Variants in ABCA6 observed in about 807,000 individuals in gnomAD.
ABCA6 encodes ATP-binding cassette sub-family A member 6.
In ABCA6, 164 loss-of-function variants were observed where a neutral mutation model predicts 191.2. That is an observed-to-expected ratio of 0.86 (90% confidence interval 0.76 to 0.98). The LOEUF is 0.98. ABCA6 is among the 50% of genes least tolerant of loss of function. The probability of loss-of-function intolerance (pLI) is 0.00; values close to 1 mark genes in which losing one functional copy is unlikely to be tolerated. For missense variants in ABCA6, 1,958 were observed against 1,894.1 expected (o/e 1.03, Z -0.63); for synonymous variants, 636 against 647.7 (o/e 0.98, Z 0.27).
intron 6 of ABCA6, among the ~76,000 whole-genome samples, chr17:69,130,323 A>C (rs1189848226): frequency 6.6e-6 from 1 of 152,030 alleles, no homozygotes; most frequent in East Asian, 1.9e-4. Flanking sequence ...TCTCAAAAAA[A>C]AAAAAAGGAT....
At chr17:69,097,589 T>C (rs570488685) in intron 23 of ABCA6, among the ~76,000 whole-genome samples, 14 of 152,156 alleles carry the variant, frequency 9.2e-5, no homozygotes, top group Non-Finnish European at 1.5e-4. Context: ...ATTCAAGTCT[T>C]AAATTTGGCC....
intron 7 of ABCA6, among the ~76,000 whole-genome samples, chr17:69,129,330 A>G (rs1375944426): frequency 6.6e-6 from 1 of 152,212 alleles, no homozygotes; most frequent in Non-Finnish European, 1.5e-5. Flanking sequence ...CAATAATTAT[A>G]CAGAAAAGAC....
intron 6 of ABCA6, among the ~76,000 whole-genome samples, chr17:69,133,439 C>G (rs930451944): frequency 6.6e-6 from 1 of 152,148 alleles, no homozygotes. Context: ...TTAAGACATT[C>G]ACGGCACAGA....
At chr17:69,092,504 A>G (rs189004973) in intron 25 of ABCA6, among the ~76,000 whole-genome samples, 15 of 152,306 alleles carry the variant, frequency 9.8e-5, no homozygotes, top group Non-Finnish European at 2.1e-4. Flanking sequence ...AAACTTTGAC[A>G]GTGTGAGAGG....
At chr17:69,115,812 T>C (rs1409497238) in intron 11 of ABCA6, 1 of 163,574 alleles carries the variant, frequency 6.1e-6, no homozygotes, top group Non-Finnish European at 1.3e-5. Flanking sequence ...GTTTATTTAA[T>C]AAATAATATT....
rs145535386 is a variant in ABCA6 at position 69,098,006 on chromosome 17, C to T, written c.3034G>A (p.Gly1012Arg). ...FPLSHIGLWT[G>R]LPDGSFFLFL... ...AAGAAAAAGGAACCATCCGGCAACC[C>T]AGTCCAGAGTCCTATGTGGCTCTGA... is the stretch of plus-strand genomic sequence containing the variant. The change falls in exon 23 of 39, where the codon GGG becomes AGG. Residue 1012 changes from glycine (G) to arginine (R), a missense_variant. Gly to Arg is a moderately radical substitution (Grantham distance 125). Transcript: ENST00000284425. 6 of 1,610,660 alleles carry T rather than the reference C, an allele frequency of 3.7e-6. No homozygotes were observed. The highest frequency in any genetic ancestry group is 5.1e-6 in the Non-Finnish European group (6 of 1,178,780).
chr17:69,123,342 T>G lies in ABCA6; in HGVS notation c.1333A>C (p.Arg445=). The G allele has an allele frequency of 1.3e-6, 2 of 1,568,760 alleles. No individual in the cohort carries two copies. Among genetic ancestry groups the G allele is most frequent in the Non-Finnish European group, 1.7e-6 (2 of 1,151,656 alleles). Residue 445 remains arginine (R), a synonymous_variant, in exon 10 of 39, where the codon AGG becomes CGG. Transcript: ENST00000284425. ...LNSSSCFQHQ[R]TNAKVIEKEI... ...TTCTCAATAACCTTAGCATTAGTCC[T>G]TTGGTGTTGGAAACAAGATGATGAA...
rs576865054 is a variant in ABCA6 at position 69,102,908 on chromosome 17, T to C, written c.2801A>G (p.Asp934Gly). 6.9e-6 allele frequency: 11 copies of C among 1,592,822 alleles called. No homozygotes were observed. In the African/African-American group the frequency reaches 1.1e-4, roughly 16 times the overall value. ...LKHQNILLEV[D>G]DFENRNGTDG... is the part of the protein sequence containing the mutation. ...AGTACCATTTCTGTTTTCAAAGTCA[T>C]CTACTTCCAAAAGTATATTTTGATG... The change falls in exon 21 of 39, where the codon GAT becomes GGT. Residue 934 changes from aspartate to glycine, a missense_variant. Transcript: ENST00000284425.
At chr17:69,112,015 T>C (rs954598726) in intron 16 of ABCA6, 168 bp downstream of exon 16, 5 of 569,570 alleles carry the variant, frequency 8.8e-6, no homozygotes, top group South Asian at 2.4e-5. Context: ...ATGATTAACA[T>C]TGTAAAGACA....
intron 22 of ABCA6, 114 bp downstream of exon 22, chr17:69,100,683 A>G: frequency 1.7e-6 from 2 of 1,162,086 alleles, no homozygotes; most frequent in Non-Finnish European, 1.2e-6. Context: ...ATTAGGATAA[A>G]ATAATAATTT....
chr17:69,106,642 A>G (rs1022287131), intron 18 of ABCA6, among the ~76,000 whole-genome samples: 34 of 151,576 alleles, frequency 2.2e-4, no homozygotes, highest in Non-Finnish European at 4.4e-4. Flanking sequence ...TTTTATAACC[A>G]ATTCAAAGGA....
At chr17:69,095,294 TA>T in intron 25 of ABCA6, 1 of 184,938 alleles carries the variant, frequency 5.4e-6, no homozygotes, top group Non-Finnish European at 1.2e-5. Context: ...TTTTTCCGAG[TA>T]AGGTGAGCCT....
Position 69,091,541 on chromosome 17 carries a change from G to C in ABCA6, c.3409-279C>G. 1.3e-4 allele frequency among the ~76,000 whole-genome samples: 2 copies of C among 15,172 alleles called. 1 individual carries two copies. Among genetic ancestry groups the C allele is most frequent in the South Asian group, 3.1e-3 (2 of 648 alleles). The allele number at this position is 15,172 out of a possible 152,430, so 10.0% of individuals were successfully genotyped here. On this transcript the variant is annotated intron_variant, in intron 25 of 38. Coordinates refer to ENST00000284425, the MANE Select transcript of ABCA6 (RefSeq NM_080284.3). ...TAGACTTCTTTTTTTTTTTTTTTTTGAGACGGAGTCTCGCTCTGTCGCCCA... is the reference window on the plus strand; with the variant it reads ...TAGACTTCTTTTTTTTTTTTTTTTTCAGACGGAGTCTCGCTCTGTCGCCCA...
intron 26 of ABCA6, among the ~76,000 whole-genome samples, chr17:69,090,696 A>T (rs556534063): frequency 6.6e-6 from 1 of 152,322 alleles, no homozygotes; most frequent in South Asian, 2.1e-4. Flanking sequence ...ACAGTGACTA[A>T]CAGAGAATAG....
At chr17:69,137,640 T>C in intron 2 of ABCA6, 140 bp from the exon 3 acceptor site, 9 of 735,146 alleles carry the variant, frequency 1.2e-5, no homozygotes, top group Non-Finnish European at 1.7e-5. Flanking sequence ...CCTCAGAGCA[T>C]GGAGAATCAA....
At chr17:69,118,353 A>G (rs2073575398) in intron 10 of ABCA6, among the ~76,000 whole-genome samples, 1 of 152,072 alleles carries the variant, frequency 6.6e-6, no homozygotes, top group African/African-American at 2.4e-5. Flanking sequence ...ACACTCTGTC[A>G]CCTGCATCTT....
intron 26 of ABCA6, among the ~76,000 whole-genome samples, 160 bp downstream of exon 26, chr17:69,090,983 C>T (rs574243674): frequency 2.0e-5 from 3 of 152,256 alleles, no homozygotes; most frequent in South Asian, 4.1e-4. Context: ...AGCATCACCA[C>T]GATTCCCCTT....
chr17:69,107,594 T>C, intron 18 of ABCA6, 102 bp downstream of exon 18: 2 of 843,686 alleles, frequency 2.4e-6, no homozygotes, highest in African/African-American at 1.7e-5. Flanking sequence ...TGGAATGAAA[T>C]CACATTTCTT....
chr17:69,134,788 A>C, intron 4 of ABCA6, 46 bp from the exon 5 acceptor site: 1 of 1,322,044 alleles, frequency 7.6e-7, no homozygotes, highest in Non-Finnish European at 1.1e-6. Context: ...GGACGAGGGC[A>C]GTTGGAGAAT....
Sources: allele counts gnomAD v4.1 joint callset (sites outside exome capture counted in the v4.1 genomes callset), GRCh38; gene constraint gnomAD v4.1.1; transcripts MANE v1.5; gene names NCBI Gene and HGNC (gene_info 2026-07-23, HGNC 2026-07-21).